Variants in TBC1D22B observed in about 807,000 individuals in gnomAD.
TBC1D22B encodes TBC1 domain family member 22B, also known as chromosome 6 open reading frame 197.
A neutral mutation model predicts 69.1 loss-of-function variants in TBC1D22B; 32 were observed. The observed-to-expected ratio is 0.46, with a 90% CI of 0.35 to 0.62. The LOEUF is 0.62. Among genes scored for constraint, TBC1D22B ranks in the 20% least tolerant of loss-of-function variants. The pLI is 0.00. For synonymous variants in TBC1D22B, 206 were observed against 229.8 expected (o/e 0.90, Z 0.94); for missense variants, 462 against 630.9 (o/e 0.73, Z 2.87).
intron 2 of TBC1D22B, among the ~76,000 whole-genome samples, chr6:37,270,324 A>T (rs549727600): frequency 8.1e-4 from 123 of 152,138 alleles, no homozygotes; most frequent in Non-Finnish European, 1.4e-3. Flanking sequence ...GGTGGCAGGC[A>T]GCTGTAATCC....
chr6:37,325,784 A>G (rs1425800330), intron 12 of TBC1D22B, among the ~76,000 whole-genome samples: 2 of 152,040 alleles, frequency 1.3e-5, no homozygotes, highest in Non-Finnish European at 2.9e-5. Flanking sequence ...TCCTAAGCTC[A>G]GGCAATCCAC....
chr6:37,297,266 G>C (rs1211961951), intron 8 of TBC1D22B, among the ~76,000 whole-genome samples: 1 of 152,148 alleles, frequency 6.6e-6, no homozygotes, highest in African/African-American at 2.4e-5. Context: ...TCAGAGCTGC[G>C]TATTATAGTT....
rs1768607510 is a variant in TBC1D22B, at chr6:37,332,366, T to G, written c.*1194T>G. 1 of 152,564 alleles carries G rather than the reference T, an allele frequency of 6.6e-6. No homozygotes were observed. Among genetic ancestry groups the G allele is most frequent in the African/African-American group, 2.4e-5 (1 of 41,406 alleles). 9.5% of individuals were successfully genotyped at this position (152,564 alleles called of 1,614,324 possible). ...AGGCGGGCAAGCCCTCTCTATGTGT[T>G]TTTATCCCCACCTTCCCCGGAATCT... On this transcript the variant is annotated 3_prime_UTR_variant, in exon 13 of 13. Coordinates refer to ENST00000373491, the MANE Select transcript of TBC1D22B (RefSeq NM_017772.4).
chr6:37,322,306 G>A (rs189714131), intron 12 of TBC1D22B, among the ~76,000 whole-genome samples: 2 of 152,280 alleles, frequency 1.3e-5, no homozygotes, highest in East Asian at 1.9e-4. Context: ...GGGAGGCCAC[G>A]GCAGGCAGAT....
Position 37,257,807 on chromosome 6 carries a change from G to A in TBC1D22B, c.-111G>A, listed in dbSNP as rs1348444774. On this transcript the variant is annotated 5_prime_UTR_variant, in exon 1 of 13. In the 5' UTR this introduces an upstream ATG that the reference lacks. Coordinates refer to ENST00000373491, the MANE Select transcript of TBC1D22B (RefSeq NM_017772.4). Reference sequence around the variant, plus strand: ...TGGCGTCCCCAGGAGCTGGGAGCGGGTGACCGGCGGCGGGGAAGCGGCCTG... The same window carrying A: ...TGGCGTCCCCAGGAGCTGGGAGCGGATGACCGGCGGCGGGGAAGCGGCCTG... 2.5e-6 allele frequency: 3 copies of A among 1,216,556 alleles called. No individual in the cohort carries two copies. The highest frequency in any genetic ancestry group is 3.5e-6 in the Non-Finnish European group (3 of 861,732). 75.4% of individuals were successfully genotyped at this position (1,216,556 alleles called of 1,614,324 possible). A position where few individuals can be genotyped will look rare whatever the true frequency, so the allele number is the denominator to read the frequency against.
chr6:37,274,022 G>C (rs1190265213), intron 2 of TBC1D22B, among the ~76,000 whole-genome samples: 2 of 152,192 alleles, frequency 1.3e-5, no homozygotes, highest in African/African-American at 4.8e-5. Context: ...ATTACTATTA[G>C]TGATACTATT....
chr6:37,292,488 G>A (rs936149945), intron 8 of TBC1D22B, among the ~76,000 whole-genome samples: 7 of 151,870 alleles, frequency 4.6e-5, no homozygotes, highest in African/African-American at 7.3e-5. Flanking sequence ...CCACCCCCCC[G>A]CCTTAATAGA....
intron 6 of TBC1D22B, among the ~76,000 whole-genome samples, chr6:37,286,772 C>T (rs944081520): frequency 1.3e-5 from 2 of 151,928 alleles, no homozygotes; most frequent in South Asian, 2.1e-4. Context: ...GGTGAAACCC[C>T]GTCTCTACTA....
intron 5 of TBC1D22B, among the ~76,000 whole-genome samples, chr6:37,283,461 T>C (rs1382196410): frequency 3.9e-5 from 6 of 152,232 alleles, no homozygotes; most frequent in Non-Finnish European, 8.8e-5. Context: ...TGAGGATTTA[T>C]TGAGAGCCTG....
chr6:37,282,884 G>T lies in TBC1D22B; in HGVS notation c.604G>T (p.Glu202Ter). Residue 202 changes from glutamate (E) to a stop codon, truncating the protein, a stop_gained and splice_region_variant, in exon 5 of 13, where the codon GAA becomes TAA. Transcript: ENST00000373491. LOFTEE classifies it high-confidence loss of function. ...LLSSQNTDLDELRKCSWPGVP... is the reference protein window; with the variant it reads ...LLSSQNTDLD ...ACAAGGCTGTTTTCTATTTACAGAT[G>T]AACTGAGGAAGTGTAGCTGGCCAGG... 2 of 1,614,026 alleles carry T rather than the reference G, an allele frequency of 1.2e-6. No homozygotes were observed. Among genetic ancestry groups the T allele is most frequent in the South Asian group, 1.1e-5 (1 of 91,052 alleles).
Position 37,296,866 on chromosome 6 carries a change from G to A in TBC1D22B, c.982+5509G>A, listed in dbSNP as rs112978727. Reference sequence around the variant, plus strand: ...TTTTTTGAGACAGTCTCACTCTGTCGCCCAGACTGGAGTGCAGTGGCACGA... The same window carrying A: ...TTTTTTGAGACAGTCTCACTCTGTCACCCAGACTGGAGTGCAGTGGCACGA... On this transcript the variant is annotated intron_variant, in intron 8 of 12. Transcript: ENST00000373491. Among the ~76,000 whole-genome samples the A allele has an allele frequency of 6.9e-3, 1,028 of 150,024 alleles. 17 individuals are homozygous for A. The highest frequency in any genetic ancestry group is 0.024 in the African/African-American group (974 of 40,714).
intron 4 of TBC1D22B, 36 bp from the exon 5 acceptor site, chr6:37,282,846 G>A: frequency 6.2e-7 from 1 of 1,608,696 alleles, no homozygotes; most frequent in Non-Finnish European, 8.5e-7. Flanking sequence ...AGCATTTGTG[G>A]AGAGTTAACC....
At chr6:37,298,155 C>T (rs1431324997) in intron 8 of TBC1D22B, among the ~76,000 whole-genome samples, 1 of 152,024 alleles carries the variant, frequency 6.6e-6, no homozygotes, top group Non-Finnish European at 1.5e-5. Flanking sequence ...TGTAACAAAC[C>T]TGCGCGTCCT....
chr6:37,307,618 T>C (rs1767768336), intron 8 of TBC1D22B, among the ~76,000 whole-genome samples: 1 of 152,162 alleles, frequency 6.6e-6, no homozygotes, highest in South Asian at 2.1e-4. Flanking sequence ...GCTCCCAAAG[T>C]GCTGGGATTA....
chr6:37,291,289 G>A lies in TBC1D22B; in HGVS notation c.914G>A (p.Ser305Asn). 6.2e-7 allele frequency: 1 copy of A among 1,614,042 alleles called. No individual in the cohort carries two copies. Among genetic ancestry groups the A allele is most frequent in the Non-Finnish European group, 8.5e-7 (1 of 1,179,952 alleles). The stretch of plus-strand genomic sequence containing the variant: ...ATTTGGGCCATCCGCCACCCTGCCA[G>A]TGGGTATGTCCAGGGAATTAATGAC... ...LFIWAIRHPA[S>N]GYVQGINDLV... Residue 305 changes from serine (S) to asparagine (N), a missense_variant, in exon 8 of 13, where the codon AGT becomes AAT. Physicochemically the swap from Ser to Asn is conservative, Grantham distance 46. Coordinates refer to ENST00000373491, the MANE Select transcript of TBC1D22B (RefSeq NM_017772.4).
At chr6:37,285,562 G>A (rs1581592419) in intron 6 of TBC1D22B, among the ~76,000 whole-genome samples, 3 of 152,066 alleles carry the variant, frequency 2.0e-5, no homozygotes, top group East Asian at 3.9e-4. Context: ...GCGCAATCTC[G>A]GCTTGCTCCA....
At chr6:37,322,357 G>A (rs747189921) in intron 12 of TBC1D22B, among the ~76,000 whole-genome samples, 17 of 152,258 alleles carry the variant, frequency 1.1e-4, no homozygotes, top group Non-Finnish European at 2.2e-4. Context: ...GGCCAACGTG[G>A]TGAAACTCCG....
intron 6 of TBC1D22B, 68 bp downstream of exon 6, chr6:37,284,532 T>C: frequency 3.4e-6 from 5 of 1,479,560 alleles, no homozygotes; most frequent in Non-Finnish European, 9.0e-7. Flanking sequence ...ATGGTAGTGC[T>C]CTCAGGGTAC....
At chr6:37,268,028 A>G (rs1766361166) in intron 1 of TBC1D22B, among the ~76,000 whole-genome samples, 1 of 152,150 alleles carries the variant, frequency 6.6e-6, no homozygotes, top group South Asian at 2.1e-4. Context: ...GGATCTGTTC[A>G]GGGCTCTCCA....
Sources: allele counts gnomAD v4.1 joint callset (sites outside exome capture counted in the v4.1 genomes callset), GRCh38; gene constraint gnomAD v4.1.1; transcripts MANE v1.5; gene names NCBI Gene and HGNC (gene_info 2026-07-23, HGNC 2026-07-21).